The following CTNNA1 variants were observed in gnomAD, a reference collection of about 807,000 sequenced individuals.
CTNNA1 encodes the protein catenin alpha 1, also known as catenin alpha-1.
In CTNNA1, 37 loss-of-function variants were observed where a neutral mutation model predicts 98.4. The ratio of observed to expected loss-of-function variants is 0.38; its 90% confidence interval spans 0.29 to 0.49. The LOEUF (loss-of-function observed/expected upper bound fraction) is 0.49. CTNNA1 is among the 20% of genes least tolerant of loss of function. CTNNA1 has a pLI of 0.95. For synonymous variants in CTNNA1, 404 were observed against 413.2 expected (o/e 0.98, Z 0.27); for missense variants, 761 against 1,147.2 (o/e 0.66, Z 4.86).
chr5:138,803,174 G>C, intron 3 of CTNNA1, among the ~76,000 whole-genome samples: 1 of 135,982 alleles, frequency 7.4e-6, no homozygotes, highest in Middle Eastern at 3.5e-3. Context: ...TTTTTTTTTT[G>C]GGAGATGGGG....
intron 1 of CTNNA1, among the ~76,000 whole-genome samples, chr5:138,778,498 T>C (rs1754668849): frequency 6.6e-6 from 1 of 152,176 alleles, no homozygotes; most frequent in South Asian, 2.1e-4. Context: ...TTTGATTACT[T>C]GGTTAAGGTG....
intron 1 of CTNNA1, among the ~76,000 whole-genome samples, chr5:138,775,325 G>T (rs1414892191): frequency 6.6e-6 from 1 of 152,144 alleles, no homozygotes; most frequent in Non-Finnish European, 1.5e-5. Context: ...CATTTCCTAA[G>T]GTTCACTGAC....
At chr5:138,869,922 C>G (rs1765180474) in intron 7 of CTNNA1, 1 of 152,610 alleles carries the variant, frequency 6.6e-6, no homozygotes, top group Admixed American at 6.5e-5. Flanking sequence ...TATCAGCCCA[C>G]TCTTTTCAGA....
intron 7 of CTNNA1, among the ~76,000 whole-genome samples, chr5:138,882,985 C>T (rs1427094932): frequency 2.6e-5 from 4 of 152,254 alleles, no homozygotes; most frequent in East Asian, 3.9e-4. Flanking sequence ...CATGCCACCA[C>T]GCCTGGCTAA....
intron 1 of CTNNA1, among the ~76,000 whole-genome samples, chr5:138,762,895 A>G (rs1357550110): frequency 1.3e-5 from 2 of 152,078 alleles, no homozygotes; most frequent in Non-Finnish European, 2.9e-5. Context: ...TTTTTAGACT[A>G]AAAGGGCTTA....
At chr5:138,834,156 T>C (rs1270913214) in intron 7 of CTNNA1, among the ~76,000 whole-genome samples, 1 of 152,202 alleles carries the variant, frequency 6.6e-6, no homozygotes, top group Non-Finnish European at 1.5e-5. Flanking sequence ...GGAATCTCTT[T>C]AGCATAGCCA....
Position 138,824,813 on chromosome 5 carries a change from G to A in CTNNA1, c.858+14G>A, listed in dbSNP as rs556876802. ...AATAACTTTGACGTAAGTTATGCTTGGGTGGAAATTTCCAGCTCTTGACCA... is the reference window on the plus strand; with the variant it reads ...AATAACTTTGACGTAAGTTATGCTTAGGTGGAAATTTCCAGCTCTTGACCA... On this transcript the variant is annotated intron_variant, in intron 6 of 17. Coordinates refer to ENST00000302763, the MANE Select transcript of CTNNA1 (RefSeq NM_001903.5). 6.2e-7 allele frequency: 1 copy of A among 1,605,698 alleles called. No individual in the cohort carries two copies. The highest frequency in any genetic ancestry group is 2.2e-5 in the East Asian group (1 of 44,636).
At position 138,827,592 on chromosome 5, in the gene CTNNA1, C is replaced by A. The variant is rs770509591; in HGVS notation, c.936C>A (p.Ile312=). Residue 312 remains isoleucine (I), a synonymous_variant, in exon 7 of 18, where the codon ATC becomes ATA. Coordinates refer to ENST00000302763, the MANE Select transcript of CTNNA1 (RefSeq NM_001903.5). ...RPSLEERLES[I]ISGAALMADS... ...CCCTGGAGGAGCGTCTGGAAAGCAT[C>A]ATTAGTGGGGCTGCCTTGATGGCCG... 1 of 1,614,172 alleles carries A rather than the reference C, an allele frequency of 6.2e-7. No homozygotes were observed. Among genetic ancestry groups the A allele is most frequent in the Non-Finnish European group, 8.5e-7 (1 of 1,180,032 alleles).
At chr5:138,921,848 C>T (rs1334777332) in intron 11 of CTNNA1, among the ~76,000 whole-genome samples, 3 of 151,672 alleles carry the variant, frequency 2.0e-5, no homozygotes, top group Admixed American at 6.6e-5. Context: ...ATCTGCCCGC[C>T]CTCAGCCTTC....
At position 138,757,327 on chromosome 5, in the gene CTNNA1, A is replaced by G. The variant is rs150138183; in HGVS notation, c.-3+3817A>G. 5.6e-3 allele frequency among the ~76,000 whole-genome samples: 851 copies of G among 152,270 alleles called. 6 individuals are homozygous for G. The highest frequency in any genetic ancestry group is 0.021 in the Admixed American group (320 of 15,296). On this transcript the variant is annotated intron_variant, in intron 1 of 17. Transcript: ENST00000302763. ...TATGGGTACAGAGTTCGGTTTGGGA[A>G]GATGAAAAAAGTTCTGGAAATGGAT...
intron 16 of CTNNA1, chr5:138,931,674 G>A (rs572835789): frequency 8.1e-6 from 8 of 985,410 alleles, no homozygotes; most frequent in Admixed American, 1.2e-4. Context: ...TACTGTGGCC[G>A]CTCCCGATTT....
intron 4 of CTNNA1, among the ~76,000 whole-genome samples, chr5:138,810,552 T>C (rs373361323): frequency 6.6e-6 from 1 of 152,188 alleles, no homozygotes; most frequent in Non-Finnish European, 1.5e-5. Flanking sequence ...TTATTTATTT[T>C]TTCCATTTAA....
intron 3 of CTNNA1, among the ~76,000 whole-genome samples, chr5:138,802,946 C>T (rs1237664295): frequency 6.9e-6 from 1 of 145,624 alleles, no homozygotes; most frequent in Non-Finnish European, 1.5e-5. Context: ...TACAGGCATG[C>T]ACCGCCACAC....
chr5:138,838,159 C>A (rs886340072), intron 7 of CTNNA1, among the ~76,000 whole-genome samples: 33 of 152,356 alleles, frequency 2.2e-4, no homozygotes, highest in Non-Finnish European at 3.7e-4. Context: ...CCTCAGCCTC[C>A]CAAAGTTCTG....
chr5:138,777,397 C>T (rs1754444708), intron 1 of CTNNA1, among the ~76,000 whole-genome samples: 1 of 151,922 alleles, frequency 6.6e-6, no homozygotes, highest in South Asian at 2.1e-4. Flanking sequence ...CAGAGGGGCT[C>T]CTCACGTCCC....
intron 5 of CTNNA1, 152 bp from the exon 6 acceptor site, chr5:138,824,378 T>C: frequency 1.2e-6 from 1 of 868,288 alleles, no homozygotes; most frequent in South Asian, 1.8e-5. Flanking sequence ...CCATACTGCC[T>C]TCTTTGTGAT....
intron 7 of CTNNA1, chr5:138,880,157 T>TG (rs1248563304): frequency 6.6e-6 from 1 of 152,226 alleles, no homozygotes; most frequent in African/African-American, 2.4e-5. Context: ...GACTCTATCT[T>TG]GAAGTTTTTG....
chr5:138,886,924 G>A (rs1048781108), intron 8 of CTNNA1, among the ~76,000 whole-genome samples: 2 of 151,914 alleles, frequency 1.3e-5, no homozygotes, highest in Non-Finnish European at 2.9e-5. Context: ...AAGAGGTAAT[G>A]GACAGATATT....
chr5:138,800,790 C>T (rs770826337), intron 3 of CTNNA1, among the ~76,000 whole-genome samples: 2 of 151,712 alleles, frequency 1.3e-5, no homozygotes, highest in Non-Finnish European at 2.9e-5. Flanking sequence ...GCAACAAGAG[C>T]AAAACTCCGT....
Sources: gnomAD v4.1 joint callset for allele counts (sites outside exome capture counted in the v4.1 genomes callset) on GRCh38, gnomAD v4.1.1 for gene constraint, MANE v1.5 for transcripts, NCBI Gene and HGNC (gene_info 2026-07-23, HGNC 2026-07-21) for gene names.